The following CACNB4 variants were observed in gnomAD, a reference collection of about 807,000 sequenced individuals.
CACNB4 encodes the protein voltage-dependent L-type calcium channel subunit beta-4.
CACNB4 carries 32 observed loss-of-function variants against 71.2 expected under a neutral mutation model. The ratio of observed to expected loss-of-function variants is 0.45; its 90% CI spans 0.34 to 0.60. The LOEUF (loss-of-function observed/expected upper bound fraction) is 0.60. CACNB4 is among the 20% of genes least tolerant of loss of function. The pLI, the probability that CACNB4 is intolerant of heterozygous loss-of-function variation, is 0.01. For synonymous variants in CACNB4, 231 were observed against 236.9 expected, an observed-to-expected ratio of 0.97 and a Z score of 0.23; for missense variants, 464 against 647.9, an observed-to-expected ratio of 0.72 and a Z score of 3.08.
chr2:151,950,922 C>T (rs1424333274), intron 2 of CACNB4, among the ~76,000 whole-genome samples: 1 of 152,104 alleles, frequency 6.6e-6, no homozygotes, highest in Non-Finnish European at 1.5e-5. Flanking sequence ...GTACTAAATG[C>T]CACTGAATTG....
At chr2:152,051,763 C>G (rs1579204148) in intron 2 of CACNB4, among the ~76,000 whole-genome samples, 1 of 152,190 alleles carries the variant, frequency 6.6e-6, no homozygotes, top group Admixed American at 6.5e-5. Flanking sequence ...GTCATGGCAG[C>G]CACAGCAAAC....
chr2:152,035,655 A>C (rs371126515), intron 2 of CACNB4, among the ~76,000 whole-genome samples: 4,635 of 39,738 alleles, frequency 0.12, 119 homozygotes, highest in Middle Eastern at 0.2. Context: ...CTCTCTCTAT[A>C]TATATATATA....
chr2:152,004,260 C>A (rs1379197889), intron 2 of CACNB4, among the ~76,000 whole-genome samples: 1 of 152,118 alleles, frequency 6.6e-6, no homozygotes, highest in African/African-American at 2.4e-5. Context: ...GAACCCCTGG[C>A]AAACTCTCCT....
chr2:151,922,440 C>A (rs1425498448), intron 2 of CACNB4, among the ~76,000 whole-genome samples: 1 of 152,260 alleles, frequency 6.6e-6, no homozygotes, highest in East Asian at 1.9e-4. Flanking sequence ...TGGCCTCAAG[C>A]AATCCTGCTG....
intron 2 of CACNB4, among the ~76,000 whole-genome samples, chr2:152,047,013 T>C (rs759280709): frequency 6.6e-6 from 1 of 152,144 alleles, no homozygotes; most frequent in Non-Finnish European, 1.5e-5. Context: ...CCTCTCAGCC[T>C]GAAAATAAAG....
At chr2:151,980,118 G>A in intron 2 of CACNB4, among the ~76,000 whole-genome samples, 1 of 151,882 alleles carries the variant, frequency 6.6e-6, no homozygotes, top group East Asian at 1.9e-4. Flanking sequence ...TTATGTTTTT[G>A]CCTCCCAGGA....
chr2:151,854,108 G>C (rs1176138368), intron 11 of CACNB4: 1 of 152,550 alleles, frequency 6.6e-6, no homozygotes, highest in South Asian at 2.1e-4. Context: ...AACTGCATTT[G>C]GTCATATACT....
intron 2 of CACNB4, among the ~76,000 whole-genome samples, chr2:151,939,956 T>C (rs1578883786): frequency 6.6e-6 from 1 of 152,202 alleles, no homozygotes; most frequent in Non-Finnish European, 1.5e-5. Flanking sequence ...CTGAGAAGTA[T>C]ATAAAATTTT....
intron 2 of CACNB4, among the ~76,000 whole-genome samples, chr2:152,077,553 TAAAC>T (rs369531112): frequency 1.1e-4 from 16 of 151,424 alleles, no homozygotes; most frequent in East Asian, 3.9e-4. Flanking sequence ...ACTCTGTTTT[TAAAC>T]AAACAAACAA....
intron 9 of CACNB4, among the ~76,000 whole-genome samples, chr2:151,863,861 C>T (rs2099842398): frequency 1.3e-5 from 2 of 152,116 alleles, no homozygotes; most frequent in South Asian, 4.1e-4. Flanking sequence ...TAAAAATACA[C>T]ATGCATAAAA....
intron 2 of CACNB4, among the ~76,000 whole-genome samples, chr2:151,906,881 C>T (rs970102661): frequency 2.0e-5 from 3 of 152,160 alleles, no homozygotes; most frequent in Admixed American, 6.5e-5. Flanking sequence ...ATCCTGAAGG[C>T]GGAGGCATGT....
At chr2:151,998,926 C>T (rs1682231964) in intron 2 of CACNB4, among the ~76,000 whole-genome samples, 1 of 152,196 alleles carries the variant, frequency 6.6e-6, no homozygotes, top group South Asian at 2.1e-4. Flanking sequence ...TCCCCTGGAG[C>T]TTGGTGAGCT....
chr2:151,957,257 C>CGTGTGTGTGTGTGTGT lies in CACNB4; in HGVS notation c.148-73903_148-73888dup, dbSNP rs1553791572. Among the ~76,000 whole-genome samples, 116 of 131,862 alleles carry CGTGTGTGTGTGTGTGT rather than the reference C, an allele frequency of 8.8e-4. 5 individuals carry two copies. The highest frequency in any genetic ancestry group is 1.2e-3 in the Non-Finnish European group (72 of 61,760). 86.5% of individuals were successfully genotyped at this position (131,862 alleles called of 152,430 possible). ...AGAAAAAAAAAGTAGAGTGGCTGGG[C>CGTGTGTGTGTGTGTGT]GTGTGTGTGTGTGTGTGTGTGTGTG... is the stretch of plus-strand genomic sequence containing the variant. On this transcript the variant is annotated intron_variant, in intron 2 of 13. Transcript: ENST00000539935.
chr2:152,054,996 C>T (rs1685650532), intron 2 of CACNB4, among the ~76,000 whole-genome samples: 1 of 152,126 alleles, frequency 6.6e-6, no homozygotes, highest in Non-Finnish European at 1.5e-5. Context: ...CAAATATTTC[C>T]TCCCAGTCTG....
Position 151,836,892 on chromosome 2 carries a change from T to C in CACNB4, c.*2227A>G, listed in dbSNP as rs985204579. 3 of 152,020 alleles carry C rather than the reference T, an allele frequency of 2.0e-5. No individual in the cohort carries two copies. The highest frequency in any genetic ancestry group is 2.9e-5 in the Non-Finnish European group (2 of 67,862). The allele number at this position is 152,020 out of a possible 1,614,324, so 9.4% of individuals were successfully genotyped here. ...GCTACTACAGAAAAAGCTGAACAGC[T>C]GTCTAGTCTAAATTTGTACACCTTG... is the stretch of plus-strand genomic sequence containing the variant. On this transcript the variant is annotated 3_prime_UTR_variant, in exon 14 of 14. Transcript: ENST00000539935.
In CACNB4 at chr2:151,981,662, T is replaced by G. The variant is rs574326833; in HGVS notation, c.148-98292A>C. ...AAAGTGTGCCAGAGCATGTATCCCT[T>G]AAAGGCAGGAACTATGTTTTACTCA... On this transcript the variant is annotated intron_variant, in intron 2 of 13. Transcript: ENST00000539935. Among the ~76,000 whole-genome samples the G allele has an allele frequency of 5.3e-5, 8 of 152,244 alleles. 1 individual carries two copies. In the East Asian group the frequency reaches 1.5e-3, roughly 29 times the overall value.
At chr2:151,871,534 G>C (rs960620756) in intron 6 of CACNB4, 8 of 152,320 alleles carry the variant, frequency 5.3e-5, no homozygotes, top group African/African-American at 1.9e-4. Context: ...GATTTAAAGC[G>C]ATTCTGTGGA....
chr2:152,001,526 T>TAAAAAAAAA (rs70974816), intron 2 of CACNB4, among the ~76,000 whole-genome samples: 17 of 35,488 alleles, frequency 4.8e-4, no homozygotes, highest in African/African-American at 1.1e-3. Context: ...CCATCTCTAC[T>TAAAAAAAAA]AAAAAAAAAA....
chr2:152,062,853 G>A (rs911707779), intron 2 of CACNB4, among the ~76,000 whole-genome samples: 5 of 152,226 alleles, frequency 3.3e-5, no homozygotes, highest in Non-Finnish European at 5.9e-5. Context: ...CATGAGGTGT[G>A]AACTGTGAGC....
Sources: allele counts gnomAD v4.1 joint callset (sites outside exome capture counted in the v4.1 genomes callset), GRCh38; gene constraint gnomAD v4.1.1; transcripts MANE v1.5; gene names NCBI Gene and HGNC (gene_info 2026-07-23, HGNC 2026-07-21).